Variants in EFNA5 observed in about 807,000 individuals in gnomAD.
EFNA5 encodes ephrin A5, also known as ephrin-A5.
EFNA5 carries 5 observed loss-of-function variants against 22.9 expected under a neutral mutation model. The observed-to-expected ratio is 0.22, with a 90% CI of 0.11 to 0.46. EFNA5 has a LOEUF of 0.46. Ranked by LOEUF, EFNA5 falls within the 20% of genes least tolerant of loss-of-function variation. EFNA5 has a pLI of 0.99. For synonymous variants in EFNA5, 113 were observed against 112.2 expected (o/e 1.01, Z -0.04); for missense variants, 237 against 293.3 (o/e 0.81, Z 1.40).
At chr5:107,523,343 A>G (rs970409370) in intron 1 of EFNA5, among the ~76,000 whole-genome samples, 7 of 152,058 alleles carry the variant, frequency 4.6e-5, no homozygotes, top group African/African-American at 1.7e-4. Context: ...TGTTTGTCTT[A>G]GATTTGCTTA....
At chr5:107,612,658 C>T (rs1749840126) in intron 1 of EFNA5, among the ~76,000 whole-genome samples, 1 of 152,048 alleles carries the variant, frequency 6.6e-6, no homozygotes, top group Non-Finnish European at 1.5e-5. Context: ...CAAACAGAAG[C>T]ATATCACTGC....
At chr5:107,402,158 G>C (rs747979049) in intron 2 of EFNA5, among the ~76,000 whole-genome samples, 1 of 152,038 alleles carries the variant, frequency 6.6e-6, no homozygotes, top group East Asian at 1.9e-4. Context: ...TGTGTAGGAG[G>C]AGGAGGAAGA....
At chr5:107,549,519 A>C (rs1044398930) in intron 1 of EFNA5, among the ~76,000 whole-genome samples, 1 of 152,242 alleles carries the variant, frequency 6.6e-6, no homozygotes, top group Non-Finnish European at 1.5e-5. Context: ...TCCAGTCCCT[A>C]AGAGTAAACT....
intron 1 of EFNA5, among the ~76,000 whole-genome samples, chr5:107,525,561 G>A (rs1008254365): frequency 8.6e-5 from 13 of 151,960 alleles, no homozygotes; most frequent in African/African-American, 3.1e-4. Flanking sequence ...ATTTTTTTAT[G>A]TATTATATAC....
chr5:107,609,946 A>T (rs1241056693), intron 1 of EFNA5, among the ~76,000 whole-genome samples: 1 of 152,192 alleles, frequency 6.6e-6, no homozygotes, highest in African/African-American at 2.4e-5. Context: ...ATTTAATTGT[A>T]TTCATCAACA....
intron 1 of EFNA5, among the ~76,000 whole-genome samples, chr5:107,543,352 A>T (rs1748084713): frequency 6.6e-6 from 1 of 152,262 alleles, no homozygotes; most frequent in African/African-American, 2.4e-5. Flanking sequence ...GAGACATTTC[A>T]ATTTAAGTGA....
At chr5:107,513,879 C>A (rs1225887998) in intron 1 of EFNA5, among the ~76,000 whole-genome samples, 1 of 152,076 alleles carries the variant, frequency 6.6e-6, no homozygotes, top group East Asian at 1.9e-4. Flanking sequence ...GACATGTAAG[C>A]TGATCTGTGT....
chr5:107,643,675 G>C (rs147101621), intron 1 of EFNA5, among the ~76,000 whole-genome samples: 2 of 151,778 alleles, frequency 1.3e-5, no homozygotes, highest in Admixed American at 1.3e-4. Context: ...TAAGCTTGAC[G>C]AGAGGGGGAG....
chr5:107,526,352 A>G (rs1747695959), intron 1 of EFNA5, among the ~76,000 whole-genome samples: 1 of 152,190 alleles, frequency 6.6e-6, no homozygotes, highest in Non-Finnish European at 1.5e-5. Flanking sequence ...TGAGAGTTAT[A>G]TTTCCTCTGC....
At chr5:107,394,665 C>T (rs1197620010) in intron 2 of EFNA5, among the ~76,000 whole-genome samples, 6 of 152,144 alleles carry the variant, frequency 3.9e-5, no homozygotes, top group Non-Finnish European at 8.8e-5. Context: ...TCTCTCTGCC[C>T]CCTTAAGGCA....
At chr5:107,472,441 AGTAAAGGT>A (rs1554061332) in intron 1 of EFNA5, among the ~76,000 whole-genome samples, 1 of 152,232 alleles carries the variant, frequency 6.6e-6, no homozygotes, top group Non-Finnish European at 1.5e-5. Context: ...AGAAGTTGTT[AGTAAAGGT>A]CTCTGGAGAT....
Position 107,385,122 on chromosome 5 carries a change from C to T in EFNA5, c.565+2113G>A, listed in dbSNP as rs116052752. On this transcript the variant is annotated intron_variant, in intron 4 of 4. Transcript: ENST00000333274. ...CTACATTCTGCCAAACTTTTGCAAA[C>T]TTCCAGCAGTTATATGTCCATCAAT... 3.5e-3 allele frequency among the ~76,000 whole-genome samples: 529 copies of T among 152,196 alleles called. 2 individuals are homozygous for T. Among genetic ancestry groups the T allele is most frequent in the African/African-American group, 0.011 (444 of 41,524 alleles).
At chr5:107,611,523 G>C (rs1485704428) in intron 1 of EFNA5, among the ~76,000 whole-genome samples, 1 of 152,158 alleles carries the variant, frequency 6.6e-6, no homozygotes, top group Non-Finnish European at 1.5e-5. Context: ...TTCAAGTCCG[G>C]TATGTAAATA....
At chr5:107,438,258 A>G (rs1401221999) in intron 1 of EFNA5, among the ~76,000 whole-genome samples, 1 of 152,154 alleles carries the variant, frequency 6.6e-6, no homozygotes, top group East Asian at 1.9e-4. Flanking sequence ...AGACTCACAA[A>G]AGGTTAAGCA....
At chr5:107,412,288 T>C (rs1748388694) in intron 2 of EFNA5, among the ~76,000 whole-genome samples, 1 of 152,180 alleles carries the variant, frequency 6.6e-6, no homozygotes, top group Non-Finnish European at 1.5e-5. Context: ...TGACTTGGAA[T>C]GTACGGTAAA....
intron 1 of EFNA5, among the ~76,000 whole-genome samples, chr5:107,598,150 A>G (rs1328130512): frequency 2.0e-5 from 3 of 152,184 alleles, no homozygotes; most frequent in Admixed American, 1.3e-4. Context: ...ACCACATGTC[A>G]GATACAATGA....
intron 1 of EFNA5, among the ~76,000 whole-genome samples, chr5:107,631,153 T>G (rs527602227): frequency 2.2e-4 from 33 of 152,192 alleles, no homozygotes; most frequent in Middle Eastern, 3.4e-3. Context: ...CAGTAAGTAC[T>G]AGGCAATAGG....
intron 1 of EFNA5, among the ~76,000 whole-genome samples, chr5:107,598,873 T>C (rs1290470497): frequency 6.6e-6 from 1 of 152,206 alleles, no homozygotes; most frequent in Non-Finnish European, 1.5e-5. Flanking sequence ...CATCTGACTG[T>C]GAACCATTTC....
intron 1 of EFNA5, among the ~76,000 whole-genome samples, chr5:107,442,560 A>G (rs1362730573): frequency 1.3e-5 from 2 of 152,186 alleles, no homozygotes; most frequent in African/African-American, 4.8e-5. Flanking sequence ...TGATTGTATT[A>G]TCAACTGTCT....
Sources: allele counts gnomAD v4.1 joint callset (sites outside exome capture counted in the v4.1 genomes callset), GRCh38; gene constraint gnomAD v4.1.1; transcripts MANE v1.5; gene names NCBI Gene and HGNC (gene_info 2026-07-23, HGNC 2026-07-21).